The following SETX variants were observed in gnomAD, a reference collection of about 807,000 sequenced individuals.
SETX encodes the protein senataxin.
A neutral mutation model predicts 227.2 loss-of-function variants in SETX; 90 were observed. The ratio of observed to expected loss-of-function variants is 0.40; its 90% CI spans 0.33 to 0.47. The LOEUF (loss-of-function observed/expected upper bound fraction) is 0.47, where lower values mean the gene tolerates loss of function less well. Among genes scored for constraint, SETX ranks in the 20% least tolerant of loss-of-function variants. The pLI, the probability that SETX is intolerant of heterozygous loss-of-function variation, is 0.91. For synonymous variants in SETX, 1,210 were observed against 1,113.2 expected, an observed-to-expected ratio of 1.09 and a Z score of -1.73; for missense variants, 3,052 against 3,181.5, an observed-to-expected ratio of 0.96 and a Z score of 0.98.
At position 132,279,597 on chromosome 9, in the gene SETX, T is replaced by C. The variant is rs148705129; in HGVS notation, c.6655-1340A>G. On this transcript the variant is annotated intron_variant, in intron 20 of 25. Transcript: ENST00000224140. ...GGAGTGGAAGAAAGGCATTACTTCT[T>C]AACCTATTTATATGTGTGATTTTAA... Among the ~76,000 whole-genome samples the C allele has an allele frequency of 2.4e-3, 362 of 152,302 alleles. 3 individuals are homozygous for C. The highest frequency in any genetic ancestry group is 8.2e-3 in the African/African-American group (342 of 41,558).
At chr9:132,335,970 G>C (rs891039116) in intron 6 of SETX, among the ~76,000 whole-genome samples, 2 of 152,124 alleles carry the variant, frequency 1.3e-5, no homozygotes, top group African/African-American at 4.8e-5. Context: ...GGCCGGGCGC[G>C]GTAGCTCACG....
intron 5 of SETX, among the ~76,000 whole-genome samples, chr9:132,338,034 T>C (rs1440987670): frequency 6.6e-6 from 1 of 151,834 alleles, no homozygotes; most frequent in African/African-American, 2.4e-5. Flanking sequence ...GCTGGGAATG[T>C]GTAACCTGAA....
At chr9:132,348,373 CAAAACAAAAA>C (rs1458404824) in intron 3 of SETX, among the ~76,000 whole-genome samples, 37 of 122,422 alleles carry the variant, frequency 3.0e-4, no homozygotes, top group African/African-American at 1.1e-3. Flanking sequence ...AAAAAAAAAA[CAAAACAAAAA>C]AAAAACAACC....
At chr9:132,308,824 A>T (rs1363657918) in intron 11 of SETX, among the ~76,000 whole-genome samples, 2 of 152,218 alleles carry the variant, frequency 1.3e-5, no homozygotes, top group Non-Finnish European at 2.9e-5. Context: ...GCAAAGGGCC[A>T]AGAATAGCCA....
chr9:132,269,054 C>G (rs1004046231), intron 25 of SETX, among the ~76,000 whole-genome samples: 4 of 152,236 alleles, frequency 2.6e-5, no homozygotes, highest in Admixed American at 2.0e-4. Context: ...ACAGCAAATA[C>G]GTGCTACATC....
intron 10 of SETX, among the ~76,000 whole-genome samples, chr9:132,325,370 GAAAA>G (rs1325910372): frequency 6.6e-6 from 1 of 151,712 alleles, no homozygotes; most frequent in African/African-American, 2.4e-5. Flanking sequence ...AAAGAAAAAA[GAAAA>G]AAGAAAGAAA....
At chr9:132,294,462 A>G (rs1038538105) in intron 15 of SETX, among the ~76,000 whole-genome samples, 6 of 152,244 alleles carry the variant, frequency 3.9e-5, no homozygotes, top group African/African-American at 1.4e-4. Context: ...TCAATCTCAC[A>G]AATGTAAAGG....
chr9:132,288,057 T>A (rs1844027276), intron 17 of SETX, among the ~76,000 whole-genome samples, 179 bp downstream of exon 17: 1 of 152,048 alleles, frequency 6.6e-6, no homozygotes, highest in African/African-American at 2.4e-5. Flanking sequence ...AACCTTGTAA[T>A]CCCACCTACT....
At chr9:132,297,802 C>G (rs1243056522) in intron 13 of SETX, among the ~76,000 whole-genome samples, 1 of 152,178 alleles carries the variant, frequency 6.6e-6, no homozygotes, top group Non-Finnish European at 1.5e-5. Context: ...ACCACTAAAC[C>G]TGAGACTTCT....
chr9:132,346,074 G>C (rs1246178041), intron 4 of SETX, among the ~76,000 whole-genome samples, 187 bp downstream of exon 4: 1 of 152,044 alleles, frequency 6.6e-6, no homozygotes, highest in Non-Finnish European at 1.5e-5. Flanking sequence ...AGTTTGAACT[G>C]TGCCCCAAAA....
intron 15 of SETX, among the ~76,000 whole-genome samples, chr9:132,292,577 C>T (rs1005238842): frequency 2.4e-4 from 36 of 151,372 alleles, no homozygotes; most frequent in African/African-American, 8.2e-4. Context: ...AATAGACAAG[C>T]TGTCTTATAC....
In SETX at chr9:132,331,073, A is replaced by G. The variant is rs9411449; in HGVS notation, c.1077T>C (p.Tyr359=). 1,295,997 of 1,611,662 alleles carry G rather than the reference A, an allele frequency of 0.8. 531,185 individuals carry two copies. The highest frequency in any genetic ancestry group is 0.85 in the Non-Finnish European group (1,001,095 of 1,178,024). Residue 359 remains tyrosine (Y), a synonymous_variant, in exon 9 of 26, where the codon TAT becomes TAC. Coordinates refer to ENST00000224140, the MANE Select transcript of SETX (RefSeq NM_015046.7). ...MVTCSQIVYN[Y]NPEKTKKDSG... ...ATACCTTTTTGGTCTTTTCAGGATT[A>G]TAATTGTATACGATCTGGCTGCAAG... is the stretch of plus-strand genomic sequence containing the variant.
At chr9:132,302,356 C>CAAAAAA (rs35649212) in intron 11 of SETX, among the ~76,000 whole-genome samples, 1 of 27,800 alleles carries the variant, frequency 3.6e-5, no homozygotes, top group African/African-American at 1.5e-4. Context: ...GAATCCATCT[C>CAAAAAA]AAAAAAAAAA....
chr9:132,268,337 C>T (rs985765112), intron 25 of SETX, among the ~76,000 whole-genome samples: 2 of 152,124 alleles, frequency 1.3e-5, no homozygotes, highest in African/African-American at 4.8e-5. Context: ...ATGGTAAGAC[C>T]CTTTCTCTAC....
chr9:132,266,177 T>A (rs887518005), intron 25 of SETX: 3 of 152,474 alleles, frequency 2.0e-5, no homozygotes, highest in Non-Finnish European at 4.4e-5. Flanking sequence ...AGGGAAGCAG[T>A]GAGGCTGCAC....
In SETX at chr9:132,334,620, T is replaced by C. The variant is rs1847473550; in HGVS notation, c.826A>G (p.Arg276Gly). The C allele has an allele frequency of 6.2e-7, 1 of 1,613,924 alleles. No individual in the cohort carries two copies. Among genetic ancestry groups the C allele is most frequent in the African/African-American group, 1.3e-5 (1 of 74,922 alleles). ...FMQSILHTME[R>G]EADDDSVDPF... The stretch of plus-strand genomic sequence containing the variant: ...TAAAGTTTATTACCATCTGCTTCCC[T>C]CTCCATAGTGTGAAGTATCGATTGC... The change falls in exon 7 of 26, where the codon AGG becomes GGG. Residue 276 changes from arginine to glycine, a missense_variant. Physicochemically the swap from Arg to Gly is moderately radical, Grantham distance 125. Coordinates refer to ENST00000224140, the MANE Select transcript of SETX (RefSeq NM_015046.7).
chr9:132,302,864 T>C (rs1032528681), intron 11 of SETX, among the ~76,000 whole-genome samples: 1 of 152,034 alleles, frequency 6.6e-6, no homozygotes, highest in African/African-American at 2.4e-5. Context: ...GCTATACAGA[T>C]AAAGAAAACG....
intron 10 of SETX, among the ~76,000 whole-genome samples, chr9:132,316,740 G>A (rs1845991463): frequency 1.3e-5 from 2 of 152,192 alleles, no homozygotes; most frequent in African/African-American, 2.4e-5. Context: ...GCAAGAAGGA[G>A]TTCCTTCTTA....
Position 132,346,254 on chromosome 9 carries a change from T to C in SETX, c.388+7A>G, listed in dbSNP as rs1564568064. The C allele has an allele frequency of 1.2e-6, 2 of 1,600,694 alleles. No homozygotes were observed. The highest frequency in any genetic ancestry group is 1.7e-5 in the Admixed American group (1 of 60,008). On this transcript the variant is annotated splice_region_variant and intron_variant, in intron 4 of 25. Transcript: ENST00000224140. ...GATATAACTTGAGGAACCATCAAGA[T>C]ACTCACTAACACGTTCATGTAGAAG...
Sources: gnomAD v4.1 joint callset for allele counts (sites outside exome capture counted in the v4.1 genomes callset) on GRCh38, gnomAD v4.1.1 for gene constraint, MANE v1.5 for transcripts, NCBI Gene and HGNC (gene_info 2026-07-23, HGNC 2026-07-21) for gene names.